The following RPS6KC1 variants were observed in gnomAD, a reference collection of about 807,000 sequenced individuals.
RPS6KC1 encodes the protein inactive ribosomal protein S6 kinase delta-1.
RPS6KC1 carries 54 observed loss-of-function variants against 103.8 expected under a neutral mutation model. The observed-to-expected ratio is 0.52, with a 90% CI of 0.42 to 0.65. The LOEUF is 0.65. RPS6KC1 is among the 30% of genes least tolerant of loss of function. The pLI is 0.00. For missense variants in RPS6KC1, 1,151 were observed against 1,253.8 expected (o/e 0.92, Z 1.24); for synonymous variants, 439 against 438.7 (o/e 1.00, Z -0.01).
chr1:213,324,974 C>G, the RPS6KC1 span, among the ~76,000 whole-genome samples: 4 of 152,076 alleles, frequency 2.6e-5, no homozygotes, highest in Admixed American at 2.6e-4. Flanking sequence ...GCCTCATTAT[C>G]GCTCTCCAAG....
rs147010256 is a variant in RPS6KC1 at position 213,168,196 on chromosome 1, C to T, written c.951+223C>T. On this transcript the variant is annotated intron_variant, in intron 7 of 14. Transcript: ENST00000366960. ...TTCTTGGTCTTTTATTAGTTTCTTACTGTACCCTTAATCTCCTCATCTGTA... is the reference window on the plus strand; with the variant it reads ...TTCTTGGTCTTTTATTAGTTTCTTATTGTACCCTTAATCTCCTCATCTGTA... 3.9e-3 allele frequency among the ~76,000 whole-genome samples: 587 copies of T among 152,278 alleles called. 4 individuals carry two copies. The highest frequency in any genetic ancestry group is 0.014 in the African/African-American group (569 of 41,536).
chr1:213,742,817 A>G, the RPS6KC1 span, among the ~76,000 whole-genome samples: 1 of 152,270 alleles, frequency 6.6e-6, no homozygotes, highest in Non-Finnish European at 1.5e-5. Flanking sequence ...TGAGCAGAGA[A>G]ATGAGGATTC....
chr1:213,288,767 T>C, the RPS6KC1 span, among the ~76,000 whole-genome samples: 1 of 152,212 alleles, frequency 6.6e-6, no homozygotes, highest in African/African-American at 2.4e-5. Context: ...GGATTGGATC[T>C]ATTGGATCCT....
At chr1:213,804,088 T>C in the RPS6KC1 span, among the ~76,000 whole-genome samples, 4 of 143,676 alleles carry the variant, frequency 2.8e-5, no homozygotes, top group African/African-American at 5.2e-5. Flanking sequence ...TGTGAACATG[T>C]ACCCTAAAAT....
chr1:213,602,403 T>C, the RPS6KC1 span, among the ~76,000 whole-genome samples: 1 of 151,470 alleles, frequency 6.6e-6, no homozygotes, highest in South Asian at 2.1e-4. Flanking sequence ...CCAGCTAGTT[T>C]CTCTTTTTTA....
the RPS6KC1 span, among the ~76,000 whole-genome samples, chr1:213,769,082 T>C: frequency 6.6e-6 from 1 of 152,150 alleles, no homozygotes; most frequent in Non-Finnish European, 1.5e-5. Flanking sequence ...ATTCTTGACT[T>C]AGCTTTGAGG....
At chr1:213,596,442 G>A in the RPS6KC1 span, among the ~76,000 whole-genome samples, 1 of 152,228 alleles carries the variant, frequency 6.6e-6, no homozygotes, top group Non-Finnish European at 1.5e-5. Context: ...AGACAAGGCA[G>A]CACAATAGAA....
At chr1:213,210,160 C>T (rs1558543195) in intron 8 of RPS6KC1, among the ~76,000 whole-genome samples, 2 of 152,056 alleles carry the variant, frequency 1.3e-5, no homozygotes, top group Non-Finnish European at 2.9e-5. Flanking sequence ...GAGAATGCAG[C>T]CCAGCAGGAG....
chr1:213,399,631 A>C, the RPS6KC1 span, among the ~76,000 whole-genome samples: 388 of 152,126 alleles, frequency 2.6e-3, 4 homozygotes, highest in African/African-American at 8.8e-3. Flanking sequence ...CACACGGGCC[A>C]ATGGGTGCAT....
At chr1:213,437,119 G>A in the RPS6KC1 span, among the ~76,000 whole-genome samples, 1 of 152,072 alleles carries the variant, frequency 6.6e-6, no homozygotes, top group Non-Finnish European at 1.5e-5. Context: ...CACTATGAAA[G>A]TATGATGTGT....
At chr1:213,065,101 C>T (rs1482814923) in intron 1 of RPS6KC1, among the ~76,000 whole-genome samples, 3 of 151,540 alleles carry the variant, frequency 2.0e-5, no homozygotes, top group Non-Finnish European at 4.4e-5. Flanking sequence ...CTCAGCCTCC[C>T]GAGTAGCTGG....
the RPS6KC1 span, among the ~76,000 whole-genome samples, chr1:213,607,728 A>ACAC: frequency 4.6e-5 from 4 of 86,830 alleles, no homozygotes; most frequent in South Asian, 3.7e-4. Flanking sequence ...CACACACACA[A>ACAC]AATAAATAAA....
the RPS6KC1 span, among the ~76,000 whole-genome samples, chr1:213,291,567 G>A: frequency 6.6e-6 from 1 of 152,168 alleles, no homozygotes; most frequent in African/African-American, 2.4e-5. Context: ...TTTCTGTCAG[G>A]TAAAGAAAAA....
chr1:213,822,920 C>A, the RPS6KC1 span, among the ~76,000 whole-genome samples: 1 of 152,174 alleles, frequency 6.6e-6, no homozygotes. Context: ...TTACAGCAGT[C>A]AGAGTGATCA....
chr1:213,658,587 G>A, the RPS6KC1 span, among the ~76,000 whole-genome samples: 2 of 152,298 alleles, frequency 1.3e-5, no homozygotes, highest in East Asian at 3.9e-4. Flanking sequence ...TTGGTCATGG[G>A]CAATAGATTT....
chr1:213,550,482 C>T, the RPS6KC1 span, among the ~76,000 whole-genome samples: 4 of 152,174 alleles, frequency 2.6e-5, no homozygotes, highest in African/African-American at 9.6e-5. Flanking sequence ...CAGTGCATCT[C>T]GAGACTGCAG....
the RPS6KC1 span, among the ~76,000 whole-genome samples, chr1:213,480,491 A>ACTT: frequency 0.05 from 7,555 of 152,122 alleles, 606 homozygotes; most frequent in African/African-American, 0.16. Context: ...ATCTTGATGT[A>ACTT]CTTATCAGTT....
At chr1:213,673,333 G>C in the RPS6KC1 span, among the ~76,000 whole-genome samples, 1 of 152,220 alleles carries the variant, frequency 6.6e-6, no homozygotes, top group Non-Finnish European at 1.5e-5. Context: ...GGATTCAATT[G>C]CTTCTCCAAG....
the RPS6KC1 span, among the ~76,000 whole-genome samples, chr1:213,433,590 A>G: frequency 1.3e-4 from 20 of 152,358 alleles, no homozygotes; most frequent in Admixed American, 3.3e-4. Flanking sequence ...TTACGTTGCC[A>G]TTATCAATTT....
Sources: allele counts gnomAD v4.1 joint callset (sites outside exome capture counted in the v4.1 genomes callset), GRCh38; gene constraint gnomAD v4.1.1; transcripts MANE v1.5; gene names NCBI Gene and HGNC (gene_info 2026-07-23, HGNC 2026-07-21).